CDC73: variants seen among roughly 807,000 people sequenced by gnomAD.
The protein encoded by CDC73 is cell division cycle 73, also known as parafibromin.
A neutral mutation model predicts 83.7 loss-of-function variants in CDC73; 21 were observed. The ratio of observed to expected loss-of-function variants is 0.25; its 90% CI spans 0.18 to 0.36. The LOEUF (loss-of-function observed/expected upper bound fraction) is 0.36. Among genes scored for constraint, CDC73 ranks in the 10% least tolerant of loss-of-function variants. The pLI is 1.00. For missense variants in CDC73, 342 were observed against 653.3 expected (o/e 0.52, Z 5.19); for synonymous variants, 224 against 212.9 (o/e 1.05, Z -0.45).
chr1:193,126,857 C>T (rs766838533), intron 2 of CDC73, among the ~76,000 whole-genome samples: 2 of 152,166 alleles, frequency 1.3e-5, no homozygotes, highest in Admixed American at 1.3e-4. Context: ...AACACCGTTG[C>T]TGGATCACAT....
At position 193,236,354 on chromosome 1, in the gene CDC73, A is replaced by T; in HGVS notation, c.1415A>T (p.Lys472Ile). 6.3e-7 allele frequency: 1 copy of T among 1,576,414 alleles called. No homozygotes were observed. Among genetic ancestry groups the T allele is most frequent in the Non-Finnish European group, 8.7e-7 (1 of 1,145,576 alleles). ...GGATCACCAGTTGATATATTTGCTAAAAGTAAGATTCTCTTTGTATTTACT... is the reference window on the plus strand; with the variant it reads ...GGATCACCAGTTGATATATTTGCTATAAGTAAGATTCTCTTTGTATTTACT... Reference protein sequence around the residue: ...PDGSPVDIFAKIKAFHLKYDE... With the variant: ...PDGSPVDIFAIIKAFHLKYDE... The change falls in exon 15 of 17, where the codon AAA (lysine) becomes ATA (isoleucine). Residue 472 changes from lysine (K) to isoleucine (I), a missense_variant and splice_region_variant. Lys to Ile is a moderately radical substitution (Grantham distance 102). This residue lies in a region of CDC73 where 239 missense variants were observed against 420.6 expected (regional missense o/e 0.57). Transcript: ENST00000367435.
At chr1:193,235,242 C>A (rs1382239330) in intron 14 of CDC73, among the ~76,000 whole-genome samples, 1 of 151,988 alleles carries the variant, frequency 6.6e-6, no homozygotes, top group East Asian at 1.9e-4. Context: ...TATTCTCCTC[C>A]TTCTCTTCTT....
intron 6 of CDC73, among the ~76,000 whole-genome samples, chr1:193,140,029 T>C (rs777222747): frequency 2.4e-4 from 36 of 152,220 alleles, no homozygotes; most frequent in Non-Finnish European, 4.4e-4. Flanking sequence ...TCTCAGGTCT[T>C]CTGACCTATG....
At chr1:193,148,575 C>A (rs958331009) in intron 8 of CDC73, among the ~76,000 whole-genome samples, 10 of 146,732 alleles carry the variant, frequency 6.8e-5, no homozygotes, top group African/African-American at 2.5e-4. Context: ...ATAAAACATA[C>A]AAATGAAATT....
At chr1:193,220,259 C>T (rs1465770901) in intron 13 of CDC73, among the ~76,000 whole-genome samples, 4 of 150,900 alleles carry the variant, frequency 2.7e-5, no homozygotes, top group East Asian at 3.9e-4. Context: ...CTCCACCTCC[C>T]GGGTTCAAGC....
chr1:193,228,837 A>G (rs1453239702), intron 13 of CDC73, among the ~76,000 whole-genome samples: 1 of 152,202 alleles, frequency 6.6e-6, no homozygotes, highest in Non-Finnish European at 1.5e-5. Flanking sequence ...TTAAGAAAAT[A>G]AAAAGGCCAG....
At chr1:193,147,728 C>T (rs778850968) in intron 7 of CDC73, 139 bp from the exon 8 acceptor site, 16 of 659,326 alleles carry the variant, frequency 2.4e-5, no homozygotes, top group Admixed American at 9.4e-5. Flanking sequence ...TTGGTTTTTA[C>T]ATATGTGTAT....
At chr1:193,225,959 G>A (rs978845164) in intron 13 of CDC73, among the ~76,000 whole-genome samples, 18 of 151,952 alleles carry the variant, frequency 1.2e-4, no homozygotes, top group Non-Finnish European at 2.1e-4. Flanking sequence ...TTTTTGGTTC[G>A]TGGTCATGAA....
chr1:193,156,569 C>CA (rs1676210566), intron 10 of CDC73, among the ~76,000 whole-genome samples: 2 of 152,126 alleles, frequency 1.3e-5, no homozygotes, highest in African/African-American at 4.8e-5. Context: ...TCCAGAATCT[C>CA]AGTCTGTCAA....
intron 16 of CDC73, 79 bp downstream of exon 16, chr1:193,249,950 G>A (rs773372948): frequency 1.6e-4 from 218 of 1,357,840 alleles, no homozygotes; most frequent in Middle Eastern, 5.4e-4. Flanking sequence ...GTTCCATAGA[G>A]TTGTCAGTCT....
At chr1:193,213,138 T>C (rs1677305781) in intron 13 of CDC73, among the ~76,000 whole-genome samples, 1 of 152,230 alleles carries the variant, frequency 6.6e-6, no homozygotes, top group South Asian at 2.1e-4. Flanking sequence ...CTTCTATTAA[T>C]GAATATGAGT....
chr1:193,202,564 C>T (rs776504258), intron 10 of CDC73, among the ~76,000 whole-genome samples: 5 of 150,230 alleles, frequency 3.3e-5, no homozygotes, highest in Non-Finnish European at 5.9e-5. Context: ...TAACTAAATG[C>T]GCAATAGTGA....
At chr1:193,130,431 C>T (rs376848210) in intron 3 of CDC73, among the ~76,000 whole-genome samples, 188 bp downstream of exon 3, 75 of 152,290 alleles carry the variant, frequency 4.9e-4, no homozygotes, top group African/African-American at 1.7e-3. Flanking sequence ...GCCAGTCACC[C>T]CTTCCTTGTG....
intron 7 of CDC73, among the ~76,000 whole-genome samples, chr1:193,144,295 A>G (rs577449119): frequency 7.2e-5 from 11 of 152,098 alleles, no homozygotes; most frequent in Non-Finnish European, 1.2e-4. Flanking sequence ...ATAAATTAGT[A>G]TATGTTCATC....
chr1:193,204,197 A>ATATG (rs1346664438), intron 11 of CDC73, among the ~76,000 whole-genome samples: 117 of 84,888 alleles, frequency 1.4e-3, no homozygotes, highest in African/African-American at 4.9e-3. Context: ...ACACACACAT[A>ATATG]TATATACGTG....
chr1:193,161,073 C>T (rs566499304), intron 10 of CDC73: 9 of 169,968 alleles, frequency 5.3e-5, no homozygotes, highest in Admixed American at 5.1e-4. Context: ...CTCCCCCATC[C>T]TACCAAACCT....
chr1:193,251,724 A>G lies in CDC73; in HGVS notation c.*1012A>G, dbSNP rs898364777. Reference sequence around the variant, plus strand: ...TTTTTATGTCTGTATTCAATATGGTATAAAATATAAAAACTATATTTTAAC... The same window carrying G: ...TTTTTATGTCTGTATTCAATATGGTGTAAAATATAAAAACTATATTTTAAC... On this transcript the variant is annotated 3_prime_UTR_variant, in exon 17 of 17. Coordinates refer to ENST00000367435, the MANE Select transcript of CDC73 (RefSeq NM_024529.5). The G allele has an allele frequency of 4.3e-6, 1 of 232,052 alleles. No individual in the cohort carries two copies. The highest frequency in any genetic ancestry group is 2.2e-5 in the African/African-American group (1 of 45,262). 14.4% of individuals were successfully genotyped at this position (232,052 alleles called of 1,614,324 possible). A position where few individuals can be genotyped will look rare whatever the true frequency, so the allele number is the denominator to read the frequency against.
chr1:193,158,943 A>G (rs1175330732), intron 10 of CDC73, among the ~76,000 whole-genome samples: 2 of 92,352 alleles, frequency 2.2e-5, no homozygotes, highest in East Asian at 2.4e-4. Context: ...TTAACATATT[A>G]TCTGTTGTAT....
At chr1:193,146,051 AG>A (rs1558286729) in intron 7 of CDC73, among the ~76,000 whole-genome samples, 1 of 152,270 alleles carries the variant, frequency 6.6e-6, no homozygotes, top group East Asian at 1.9e-4. Flanking sequence ...GGGAGGTGAG[AG>A]GGGTAAGGTG....
Sources: allele counts gnomAD v4.1 joint callset (sites outside exome capture counted in the v4.1 genomes callset), GRCh38; gene constraint gnomAD v4.1.1; regional missense constraint gnomAD v4.1.1; transcripts MANE v1.5; gene names NCBI Gene and HGNC (gene_info 2026-07-23, HGNC 2026-07-21).